C1orf21: variants seen among roughly 807,000 people sequenced by gnomAD.
The protein encoded by C1orf21 is uncharacterized protein C1orf21.
In C1orf21, 3 loss-of-function variants were observed where a neutral mutation model predicts 18.7. The ratio of observed to expected loss-of-function variants is 0.16; its 90% CI spans 0.07 to 0.42. The LOEUF (loss-of-function observed/expected upper bound fraction) is 0.42, where lower values mean the gene tolerates loss of function less well. Ranked by LOEUF, C1orf21 falls within the 10% of genes least tolerant of loss-of-function variation. C1orf21 has a pLI of 0.99. For synonymous variants in C1orf21, 41 were observed against 46.4 expected (o/e 0.88, Z 0.47); for missense variants, 104 against 143.6 (o/e 0.72, Z 1.41).
intron 2 of C1orf21, among the ~76,000 whole-genome samples, chr1:184,496,154 G>A (rs1449909665): frequency 6.6e-6 from 1 of 152,096 alleles, no homozygotes; most frequent in Non-Finnish European, 1.5e-5. Context: ...GGTAAGCCAA[G>A]GCCAGGTCTA....
chr1:184,427,395 C>T (rs1032908908), intron 1 of C1orf21, among the ~76,000 whole-genome samples: 3 of 152,150 alleles, frequency 2.0e-5, no homozygotes, highest in Non-Finnish European at 4.4e-5. Context: ...AAAGATTTCT[C>T]AGAGAGGCTT....
intron 3 of C1orf21, among the ~76,000 whole-genome samples, chr1:184,561,855 G>C (rs182367539): frequency 2.0e-5 from 3 of 152,120 alleles, no homozygotes; most frequent in South Asian, 2.1e-4. Context: ...GGCTGGTCTC[G>C]AACTCCTGAC....
chr1:184,501,454 T>G (rs989642919), intron 2 of C1orf21, among the ~76,000 whole-genome samples: 1 of 152,176 alleles, frequency 6.6e-6, no homozygotes, highest in East Asian at 1.9e-4. Flanking sequence ...AAGACTCCGC[T>G]TAACCTTGAT....
At chr1:184,429,789 C>T in intron 1 of C1orf21, among the ~76,000 whole-genome samples, 1 of 152,006 alleles carries the variant, frequency 6.6e-6, no homozygotes, top group South Asian at 2.1e-4. Flanking sequence ...ATGTGATATA[C>T]TTTGGGACAT....
intron 3 of C1orf21, among the ~76,000 whole-genome samples, chr1:184,547,103 T>C (rs1292140093): frequency 2.7e-5 from 2 of 74,002 alleles, no homozygotes; most frequent in Non-Finnish European, 5.7e-5. Context: ...GTCACCAAAG[T>C]AGGAGAGAGC....
intron 3 of C1orf21, among the ~76,000 whole-genome samples, chr1:184,573,473 A>G (rs1168387897): frequency 1.3e-5 from 2 of 152,210 alleles, no homozygotes; most frequent in African/African-American, 4.8e-5. Context: ...TTTTTCCGAA[A>G]TAGACGTTTC....
chr1:184,581,324 G>T (rs1277133130), intron 3 of C1orf21, among the ~76,000 whole-genome samples: 1 of 152,056 alleles, frequency 6.6e-6, no homozygotes, highest in Non-Finnish European at 1.5e-5. Context: ...CCACTCAGGA[G>T]GAGGCTGAGG....
At chr1:184,548,138 G>A (rs1445650432) in intron 3 of C1orf21, among the ~76,000 whole-genome samples, 1 of 151,760 alleles carries the variant, frequency 6.6e-6, no homozygotes, top group African/African-American at 2.4e-5. Context: ...ATGATAATCA[G>A]GTGATACAAG....
At chr1:184,501,230 G>C (rs1398846539) in intron 2 of C1orf21, among the ~76,000 whole-genome samples, 1 of 152,112 alleles carries the variant, frequency 6.6e-6, no homozygotes, top group Non-Finnish European at 1.5e-5. Flanking sequence ...ACTTGTATAA[G>C]GTCTTCGGTT....
At chr1:184,466,163 C>G (rs1657393550) in intron 1 of C1orf21, among the ~76,000 whole-genome samples, 1 of 152,190 alleles carries the variant, frequency 6.6e-6, no homozygotes, top group Non-Finnish European at 1.5e-5. Context: ...GTCCTAATAG[C>G]TCATATCGTG....
At chr1:184,514,285 A>G (rs1658192585) in intron 3 of C1orf21, among the ~76,000 whole-genome samples, 7 of 152,192 alleles carry the variant, frequency 4.6e-5, no homozygotes, top group Admixed American at 4.6e-4. Flanking sequence ...AGCCTGAGTG[A>G]CAGAGCAAGA....
chr1:184,460,610 TGTC>T (rs148278320), intron 1 of C1orf21, among the ~76,000 whole-genome samples: 2,507 of 138,598 alleles, frequency 0.018, 134 homozygotes, highest in African/African-American at 0.064. Context: ...CTGTTAGTAT[TGTC>T]GTCGTCGTCT....
intron 1 of C1orf21, among the ~76,000 whole-genome samples, chr1:184,397,783 C>T (rs1190885644): frequency 6.6e-6 from 1 of 152,022 alleles, no homozygotes. Context: ...TTGAAAGTGC[C>T]AGTGTTTAAT....
At position 184,615,206 on chromosome 1, in the gene C1orf21, C is replaced by A. The variant is rs906909498; in HGVS notation, c.328-4312C>A. On this transcript the variant is annotated intron_variant, in intron 5 of 5. Transcript: ENST00000235307. ...TGTTCTGCACTGACATCAACTTACA[C>A]TTCCAGGAGGATAATAATACAGATA... Among the ~76,000 whole-genome samples, 9 of 152,318 alleles carry A rather than the reference C, an allele frequency of 5.9e-5. No homozygotes were observed. In the South Asian group the frequency reaches 1.7e-3, roughly 28 times the overall value.
rs374183563 is a variant in C1orf21 at position 184,410,573 on chromosome 1, A to G, written c.-125+23205A>G. On this transcript the variant is annotated intron_variant, in intron 1 of 5. Coordinates refer to ENST00000235307, the MANE Select transcript of C1orf21 (RefSeq NM_030806.4). ...TTCTTCTAATACATATATTCTTTGG[A>G]TTAATTTTATTCAACATAGTGAAAG... Among the ~76,000 whole-genome samples the G allele has an allele frequency of 4.9e-4, 57 of 115,452 alleles. 1 individual carries two copies. The highest frequency in any genetic ancestry group is 1.9e-3 in the African/African-American group (53 of 28,430). The allele number at this position is 115,452 out of a possible 152,430, so 75.7% of individuals were successfully genotyped here. A position where few individuals can be genotyped will look rare whatever the true frequency, so the allele number is the denominator to read the frequency against.
intron 5 of C1orf21, among the ~76,000 whole-genome samples, chr1:184,606,046 A>G (rs1322540205): frequency 1.3e-5 from 2 of 152,208 alleles, no homozygotes; most frequent in East Asian, 1.9e-4. Flanking sequence ...TTTCCAGTGT[A>G]TTCATCCACC....
intron 1 of C1orf21, among the ~76,000 whole-genome samples, chr1:184,405,000 C>G (rs1185955953): frequency 6.6e-6 from 1 of 152,140 alleles, no homozygotes; most frequent in Admixed American, 6.5e-5. Flanking sequence ...GTGCAAAACC[C>G]TTGCATCCCA....
chr1:184,457,079 G>A (rs1428912696), intron 1 of C1orf21, among the ~76,000 whole-genome samples: 1 of 152,116 alleles, frequency 6.6e-6, no homozygotes. Flanking sequence ...TATGATAATA[G>A]TGCCCCCAGT....
intron 5 of C1orf21, among the ~76,000 whole-genome samples, chr1:184,608,140 A>C (rs1444578526): frequency 1.3e-5 from 2 of 152,174 alleles, no homozygotes; most frequent in Non-Finnish European, 2.9e-5. Flanking sequence ...ATTTCTTAGA[A>C]GGAGGGCAGA....
Sources: allele counts gnomAD v4.1 joint callset (sites outside exome capture counted in the v4.1 genomes callset), GRCh38; gene constraint gnomAD v4.1.1; transcripts MANE v1.5; gene names NCBI Gene and HGNC (gene_info 2026-07-23, HGNC 2026-07-21).